The following EPSTI1 variants were observed in gnomAD, a reference collection of about 807,000 sequenced individuals.
EPSTI1 encodes the protein epithelial-stromal interaction protein 1.
A neutral mutation model predicts 49.9 loss-of-function variants in EPSTI1; 66 were observed. That is an observed-to-expected ratio of 1.32 (90% CI 1.08 to 1.62). The LOEUF is 1.62. EPSTI1 is among the 40% of genes most tolerant of loss of function. The probability of loss-of-function intolerance (pLI) is 0.00; values close to 1 mark genes in which losing one functional copy is unlikely to be tolerated. For missense variants in EPSTI1, 394 were observed against 365.5 expected, an observed-to-expected ratio of 1.08 and a Z score of -0.64; for synonymous variants, 137 against 130.7, an observed-to-expected ratio of 1.05 and a Z score of -0.33.
chr13:42,891,581 T>C (rs1409257349), intron 10 of EPSTI1, among the ~76,000 whole-genome samples: 2 of 152,226 alleles, frequency 1.3e-5, no homozygotes, highest in Non-Finnish European at 2.9e-5. Context: ...CTCCTATTTT[T>C]TCCTCATTAT....
intron 6 of EPSTI1, among the ~76,000 whole-genome samples, chr13:42,931,500 C>T (rs1455098728): frequency 3.3e-5 from 5 of 152,344 alleles, no homozygotes; most frequent in Middle Eastern, 3.4e-3. Context: ...CCACCGCGCC[C>T]GGCCTTGCCT....
intron 8 of EPSTI1, among the ~76,000 whole-genome samples, chr13:42,908,738 A>T (rs1463804195): frequency 2.0e-5 from 3 of 152,042 alleles, no homozygotes; most frequent in Admixed American, 1.3e-4. Flanking sequence ...CAAAACACAT[A>T]AGGTACTCAA....
chr13:42,975,757 G>A (rs906726670), intron 1 of EPSTI1, among the ~76,000 whole-genome samples: 1 of 151,870 alleles, frequency 6.6e-6, no homozygotes, highest in African/African-American at 2.4e-5. Flanking sequence ...ATATAGAATC[G>A]ACCTGAGATG....
rs560985715 is a variant in EPSTI1 at position 42,959,943 on chromosome 13, A to G, written c.489+3312T>C. Among the ~76,000 whole-genome samples the G allele has an allele frequency of 4.6e-5, 7 of 152,348 alleles. No homozygotes were observed. The East Asian group carries it at 1.2e-3, about 25-fold the overall frequency. The stretch of plus-strand genomic sequence containing the variant: ...ATTTTCTTGTCATTATTCCCTAAAC[A>G]ATATAGTATAACAACTATTTACACA... On this transcript the variant is annotated intron_variant, in intron 5 of 10. Coordinates refer to ENST00000313624, the MANE Select transcript of EPSTI1 (RefSeq NM_033255.5).
intron 1 of EPSTI1, among the ~76,000 whole-genome samples, chr13:42,974,810 A>G (rs970438561): frequency 2.6e-5 from 4 of 152,244 alleles, no homozygotes; most frequent in African/African-American, 7.2e-5. Context: ...TTGGCTGGCT[A>G]AAAGTATTAC....
intron 7 of EPSTI1, among the ~76,000 whole-genome samples, chr13:42,919,979 C>A (rs529530158): frequency 2.1e-4 from 32 of 152,294 alleles, no homozygotes; most frequent in African/African-American, 7.0e-4. Flanking sequence ...CTTTTCCAGG[C>A]TTCTCTTTTT....
intron 7 of EPSTI1, among the ~76,000 whole-genome samples, chr13:42,925,847 T>C (rs1037865639): frequency 6.6e-6 from 1 of 152,254 alleles, no homozygotes; most frequent in Non-Finnish European, 1.5e-5. Flanking sequence ...TAGATGCTTC[T>C]TCCTGATAAG....
In EPSTI1 at chr13:42,900,343, T is replaced by TCTTGCTCTTG. The variant is rs753017662; in HGVS notation, c.772_781dup (p.Glu261AlafsTer12). The TCTTGCTCTTG allele has an allele frequency of 1.9e-6, 3 of 1,613,796 alleles. No homozygotes were observed. Among genetic ancestry groups the TCTTGCTCTTG allele is most frequent in the Non-Finnish European group, 2.5e-6 (3 of 1,179,784 alleles). On this transcript the variant is annotated frameshift_variant, in exon 9 of 11. Coordinates refer to ENST00000313624, the MANE Select transcript of EPSTI1 (RefSeq NM_033255.5). LOFTEE classifies it high-confidence loss of function. ...TTCAGTCTGGTGGATTTTGGCTCTT[T>TCTTGCTCTTG]CTTGCTCTTGCTGCTGCCGTTTCAG...
chr13:42,917,583 T>C lies in EPSTI1; in HGVS notation c.699A>G (p.Glu233=). Residue 233 remains glutamate (E), a synonymous_variant, in exon 8 of 11, where the codon GAA becomes GAG. Coordinates refer to ENST00000313624, the MANE Select transcript of EPSTI1 (RefSeq NM_033255.5). The part of the protein sequence containing the change: ...WAYRDSLKAE[E]NRKLQKMKDE... Reference sequence around the variant, plus strand: ...CCTTCATCTTTTGCAATTTTCTGTTTTCTTCTGCCTTTAGAGAATCTCTGT... The same window carrying C: ...CCTTCATCTTTTGCAATTTTCTGTTCTCTTCTGCCTTTAGAGAATCTCTGT... 1 of 1,609,666 alleles carries C rather than the reference T, an allele frequency of 6.2e-7. No individual in the cohort carries two copies. The highest frequency in any genetic ancestry group is 8.5e-7 in the Non-Finnish European group (1 of 1,177,610).
chr13:42,920,066 C>T (rs1053610457), intron 7 of EPSTI1, among the ~76,000 whole-genome samples: 11 of 152,238 alleles, frequency 7.2e-5, no homozygotes, highest in African/African-American at 2.6e-4. Flanking sequence ...TCCCGATTTC[C>T]CCTTTTTATA....
chr13:42,938,705 G>A (rs2038645834), intron 6 of EPSTI1, among the ~76,000 whole-genome samples: 1 of 151,924 alleles, frequency 6.6e-6, no homozygotes, highest in Non-Finnish European at 1.5e-5. Context: ...CCTGAGGTCA[G>A]GAGTTCAAGA....
intron 5 of EPSTI1, among the ~76,000 whole-genome samples, chr13:42,962,875 C>T (rs981458405): frequency 3.9e-5 from 6 of 152,184 alleles, no homozygotes; most frequent in African/African-American, 1.4e-4. Flanking sequence ...GACCCACACG[C>T]CAGCCAATGA....
At position 42,926,439 on chromosome 13, in the gene EPSTI1, A is replaced by G. The variant is rs1473374648; in HGVS notation, c.564-10T>C. 2 of 1,561,242 alleles carry G rather than the reference A, an allele frequency of 1.3e-6. No homozygotes were observed. The highest frequency in any genetic ancestry group is 1.8e-6 in the Non-Finnish European group (2 of 1,131,884). ...GAACTCAGCGGTTTTGCTACCAGAA[A>G]CACAAACAGGTGTTAGTGCCTTCAC... On this transcript the variant is annotated splice_polypyrimidine_tract_variant and intron_variant, in intron 6 of 10. Transcript: ENST00000313624.
intron 8 of EPSTI1, among the ~76,000 whole-genome samples, chr13:42,901,737 T>C (rs2037358526): frequency 6.6e-6 from 1 of 152,240 alleles, no homozygotes; most frequent in South Asian, 2.1e-4. Context: ...ATCTTCTTCT[T>C]AATAGTATGC....
chr13:42,923,685 C>T (rs572573698), intron 7 of EPSTI1, among the ~76,000 whole-genome samples: 27 of 152,344 alleles, frequency 1.8e-4, no homozygotes, highest in Non-Finnish European at 2.2e-4. Flanking sequence ...CTTCTGCCTA[C>T]ACACACAATA....
intron 5 of EPSTI1, among the ~76,000 whole-genome samples, chr13:42,962,601 C>T (rs1410722954): frequency 4.2e-5 from 6 of 141,654 alleles, no homozygotes; most frequent in African/African-American, 1.6e-4. Flanking sequence ...GAAACCCTCC[C>T]TGTCTCTACA....
chr13:42,907,900 T>C (rs966742980), intron 8 of EPSTI1, among the ~76,000 whole-genome samples: 8 of 152,166 alleles, frequency 5.3e-5, no homozygotes, highest in African/African-American at 1.9e-4. Context: ...GGTACTGGCA[T>C]ACAAACCAAT....
At chr13:42,968,934 A>ACT (rs2039692963) in intron 3 of EPSTI1, among the ~76,000 whole-genome samples, 160 bp downstream of exon 3, 1 of 129,184 alleles carries the variant, frequency 7.7e-6, no homozygotes, top group East Asian at 2.3e-4. Context: ...ACACACACAC[A>ACT]CACACACACA....
chr13:42,962,903 C>T (rs1289350332), intron 5 of EPSTI1, among the ~76,000 whole-genome samples: 2 of 152,140 alleles, frequency 1.3e-5, no homozygotes, highest in African/African-American at 4.8e-5. Flanking sequence ...TAAATGACAA[C>T]GAATAAATGA....
Sources: gnomAD v4.1 joint callset for allele counts (sites outside exome capture counted in the v4.1 genomes callset) on GRCh38, gnomAD v4.1.1 for gene constraint, MANE v1.5 for transcripts, NCBI Gene and HGNC (gene_info 2026-07-23, HGNC 2026-07-21) for gene names.